RGS14: variants seen among roughly 807,000 people sequenced by gnomAD.
RGS14 encodes regulator of G protein signaling 14.
RGS14 carries 33 observed loss-of-function variants against 63.8 expected under a neutral mutation model. The ratio of observed to expected loss-of-function variants is 0.52; its 90% confidence interval spans 0.39 to 0.69. RGS14 has a LOEUF of 0.69. Among genes scored for constraint, RGS14 ranks in the 30% least tolerant of loss-of-function variants. The probability of loss-of-function intolerance (pLI) is 0.00; values close to 1 mark genes in which losing one functional copy is unlikely to be tolerated. For missense variants in RGS14, 739 were observed against 742.9 expected (o/e 0.99, Z 0.06); for synonymous variants, 296 against 320.9 (o/e 0.92, Z 0.83).
Position 177,358,053 on chromosome 5 carries a change from TC to T in RGS14, c.33del (p.Asn12ThrfsTer13), listed in dbSNP as rs779996819. 7.4e-7 allele frequency: 1 copy of T among 1,356,948 alleles called. No homozygotes were observed. The highest frequency in any genetic ancestry group is 1.9e-5 in the South Asian group (1 of 53,428). The allele number at this position is 1,356,948 out of a possible 1,614,324, so 84.1% of individuals were successfully genotyped here. ...CCAGGGAAGCCCAAGCACCTGGGCG[TC>T]CCCAACGGGCGCATGGTGAGTGTGG... MPGKPKHLGVPNGRMVLAVS... is the reference protein window; with the variant it reads MPGKPKHLGXPNGRMVLAVS... On this transcript the variant is annotated frameshift_variant, in exon 1 of 15. Transcript: ENST00000408923. LOFTEE classifies it high-confidence loss of function. The surrounding 1 kb of genome is among the most constrained non-coding windows in gnomAD (Gnocchi z 4.8).
At chr5:177,360,890 C>T (rs140579944) in intron 1 of RGS14, among the ~76,000 whole-genome samples, 4 of 152,250 alleles carry the variant, frequency 2.6e-5, no homozygotes, top group Non-Finnish European at 4.4e-5. Flanking sequence ...TCCAGCCTGG[C>T]GACAGAGCAA....
Position 177,371,428 on chromosome 5 carries a change from T to C in RGS14, c.1383+32T>C. 1 of 1,614,042 alleles carries C rather than the reference T, an allele frequency of 6.2e-7. No homozygotes were observed. Among genetic ancestry groups the C allele is most frequent in the Non-Finnish European group, 8.5e-7 (1 of 1,179,986 alleles). ...GAAAGGCGAGTGGCCTCTTCCACCC[T>C]CTGCTTCTCCCCTCCCGATTTTGGC... is the stretch of plus-strand genomic sequence containing the variant. On this transcript the variant is annotated intron_variant, in intron 13 of 14. Transcript: ENST00000408923. This position sits in a 1 kb window ranked among gnomAD's most constrained non-coding sequence, Gnocchi z 6.1.
chr5:177,367,569 T>C lies in RGS14; in HGVS notation c.627+12T>C. ...ACGCCACGAGGAAGGTGCGTGGGAC[T>C]GGGCGAGGGACTGGGCGAGGCAGGG... On this transcript the variant is annotated intron_variant, in intron 6 of 14. Coordinates refer to ENST00000408923, the MANE Select transcript of RGS14 (RefSeq NM_006480.5). 2 of 1,601,966 alleles carry C rather than the reference T, an allele frequency of 1.2e-6. No homozygotes were observed. The highest frequency in any genetic ancestry group is 1.7e-6 in the Non-Finnish European group (2 of 1,173,694).
rs970656579 is a variant in RGS14, at chr5:177,364,260, C to A, written c.46-1703C>A. ...GGGAATAAGGGGCTGGTGGTAGGAACTTCTGTGACAGGGCATGGTGAAAGT... is the reference window on the plus strand; with the variant it reads ...GGGAATAAGGGGCTGGTGGTAGGAAATTCTGTGACAGGGCATGGTGAAAGT... On this transcript the variant is annotated intron_variant, in intron 1 of 14. Coordinates refer to ENST00000408923, the MANE Select transcript of RGS14 (RefSeq NM_006480.5). This position sits in a 1 kb window ranked among gnomAD's most constrained non-coding sequence, Gnocchi z 4.6. Among the ~76,000 whole-genome samples, 2 of 152,102 alleles carry A rather than the reference C, an allele frequency of 1.3e-5. No homozygotes were observed. Among genetic ancestry groups the A allele is most frequent in the Admixed American group, 1.3e-4 (2 of 15,274 alleles).
intron 10 of RGS14, 103 bp downstream of exon 10, chr5:177,370,767 G>A: frequency 1.1e-6 from 1 of 930,562 alleles, no homozygotes; most frequent in Non-Finnish European, 1.6e-6. Context: ...TGCTAGCCCC[G>A]CCCCTGGGAC....
At chr5:177,366,479 C>T (rs935447087) in intron 3 of RGS14, 124 bp downstream of exon 3, 6 of 914,656 alleles carry the variant, frequency 6.6e-6, no homozygotes, top group East Asian at 2.6e-5. Context: ...GCAGCACCCT[C>T]TTCCTCTTCT....
chr5:177,363,548 G>C (rs1160851082), intron 1 of RGS14, among the ~76,000 whole-genome samples: 6 of 152,206 alleles, frequency 3.9e-5, no homozygotes, highest in Non-Finnish European at 8.8e-5. Flanking sequence ...TATGGCGGGA[G>C]TGGCAAACTC....
Position 177,371,103 on chromosome 5 carries a change from C to A in RGS14, c.1255-62C>A. Reference sequence around the variant, plus strand: ...GCCGGGGCCGGGGCCGGGGCCGGGGCCGGGGCCGGGGCCGGGGCCGGGCGG... The same window carrying A: ...GCCGGGGCCGGGGCCGGGGCCGGGGACGGGGCCGGGGCCGGGGCCGGGCGG... On this transcript the variant is annotated intron_variant, in intron 11 of 14. Transcript: ENST00000408923. This position sits in a 1 kb window ranked among gnomAD's most constrained non-coding sequence, Gnocchi z 6.1. The A allele has an allele frequency of 8.3e-7, 1 of 1,199,214 alleles. No homozygotes were observed. Among genetic ancestry groups the A allele is most frequent in the Non-Finnish European group, 1.1e-6 (1 of 933,784 alleles). 74.3% of individuals were successfully genotyped at this position (1,199,214 alleles called of 1,614,324 possible). A position where few individuals can be genotyped will look rare whatever the true frequency, so the allele number is the denominator to read the frequency against.
intron 1 of RGS14, among the ~76,000 whole-genome samples, chr5:177,363,993 T>G (rs1464735341): frequency 6.6e-6 from 1 of 152,224 alleles, no homozygotes; most frequent in Non-Finnish European, 1.5e-5. Flanking sequence ...TCTCTTGCTT[T>G]TTAAATGTGG....
At chr5:177,366,681 C>T in intron 3 of RGS14, 27 bp from the exon 4 acceptor site, 4 of 1,608,218 alleles carry the variant, frequency 2.5e-6, no homozygotes, top group Non-Finnish European at 3.4e-6. Flanking sequence ...TGAGTCTCTG[C>T]CTGCCTCCCC....
In RGS14 at chr5:177,368,742, C is replaced by T. The variant is rs190712989; in HGVS notation, c.875C>T (p.Thr292Met). 15 of 1,614,082 alleles carry T rather than the reference C, an allele frequency of 9.3e-6. No homozygotes were observed. Among genetic ancestry groups the T allele is most frequent in the Admixed American group, 1.7e-5 (1 of 60,004 alleles). ...SESHRKSLGS[T>M]EGESESRPGK... is the part of the protein sequence containing the mutation. ...AGCCACCGGAAGAGCCTTGGGAGCA[C>T]GGAGGGTGAAAGTGAAAGCCGGCCA... is the stretch of plus-strand genomic sequence containing the variant. Residue 292 changes from threonine to methionine, a missense_variant, in exon 9 of 15, where the codon ACG (threonine) becomes ATG (methionine). Physicochemically the swap from Thr to Met is moderately conservative, Grantham distance 81 (BLOSUM62 -1). Transcript: ENST00000408923.
At position 177,371,604 on chromosome 5, in the gene RGS14, A is replaced by G; in HGVS notation, c.1498+15A>G. 1 of 1,609,292 alleles carries G rather than the reference A, an allele frequency of 6.2e-7. No individual in the cohort carries two copies. Among genetic ancestry groups the G allele is most frequent in the Non-Finnish European group, 8.5e-7 (1 of 1,175,686 alleles). On this transcript the variant is annotated intron_variant, in intron 14 of 14. Transcript: ENST00000408923. The surrounding 1 kb of genome is among the most constrained non-coding windows in gnomAD (Gnocchi z 6.1). ...TGACATCGAAGGTACATGGTGGATG[A>G]GCTGGGGATCAGAAAGACTAGGGCA...
Position 177,371,550 on chromosome 5 carries a change from A to G in RGS14, c.1459A>G (p.Ser487Gly). ...ASPSSLVKVP[S>G]SATGKRQTCD... ...CCCCAGTTCTCTGGTGAAGGTGCCC[A>G]GTAGTGCCACTGGAAAGCGGCAGAC... The change falls in exon 14 of 15, where the codon AGT becomes GGT. Residue 487 changes from serine (S) to glycine (G), a missense_variant. Coordinates refer to ENST00000408923, the MANE Select transcript of RGS14 (RefSeq NM_006480.5). This position sits in a 1 kb window ranked among gnomAD's most constrained non-coding sequence, Gnocchi z 6.1. 6.2e-7 allele frequency: 1 copy of G among 1,614,140 alleles called. No individual in the cohort carries two copies. The highest frequency in any genetic ancestry group is 8.5e-7 in the Non-Finnish European group (1 of 1,180,020).
intron 9 of RGS14, 149 bp from the exon 10 acceptor site, chr5:177,370,442 T>A (rs999009173): frequency 4.4e-6 from 3 of 677,132 alleles, no homozygotes; most frequent in Admixed American, 2.3e-5. Flanking sequence ...CCTTAACCCA[T>A]TTGCTCCCCT....
At chr5:177,369,305 A>G (rs1762184406) in intron 9 of RGS14, among the ~76,000 whole-genome samples, 1 of 152,186 alleles carries the variant, frequency 6.6e-6, no homozygotes, top group South Asian at 2.1e-4. Flanking sequence ...CTAACCAATG[A>G]ACTTTTTCCT....
At chr5:177,362,054 T>C (rs1761978810) in intron 1 of RGS14, among the ~76,000 whole-genome samples, 1 of 152,178 alleles carries the variant, frequency 6.6e-6, no homozygotes, top group African/African-American at 2.4e-5. Flanking sequence ...GCATGCCTGG[T>C]GCTTTCACTC....
In RGS14 at chr5:177,367,695, G is replaced by A; in HGVS notation, c.628-19G>A. On this transcript the variant is annotated intron_variant, in intron 6 of 14. Coordinates refer to ENST00000408923, the MANE Select transcript of RGS14 (RefSeq NM_006480.5). ...GGCTGGGGCCCAGCCCGGTGCCAGC[G>A]CCTCCCCTGTACCCACAGAAGCCGA... The A allele has an allele frequency of 6.2e-7, 1 of 1,607,506 alleles. No individual in the cohort carries two copies. Among genetic ancestry groups the A allele is most frequent in the Admixed American group, 1.7e-5 (1 of 58,772 alleles).
intron 6 of RGS14, 67 bp downstream of exon 6, chr5:177,367,624 G>GGGT: frequency 6.3e-7 from 1 of 1,579,362 alleles, no homozygotes; most frequent in Non-Finnish European, 8.6e-7. Context: ...AAGAGGGGAC[G>GGGT]CCTCCGGGTG....
chr5:177,365,920 C>T (rs772833387), intron 1 of RGS14, 43 bp from the exon 2 acceptor site: 13 of 1,609,748 alleles, frequency 8.1e-6, no homozygotes, highest in Non-Finnish European at 1.0e-5. Context: ...CCCTGGGAAT[C>T]CTCACTGGGC....
Sources: gnomAD v4.1 joint callset for allele counts (sites outside exome capture counted in the v4.1 genomes callset) on GRCh38, gnomAD v4.1.1 for gene constraint, Gnocchi (gnomAD v3.1) non-coding constraint, MANE v1.5 for transcripts, NCBI Gene and HGNC (gene_info 2026-07-23, HGNC 2026-07-21) for gene names.